TMEM132B: variants seen among roughly 807,000 people sequenced by gnomAD.
TMEM132B encodes the protein transmembrane protein 132B.
TMEM132B carries 18 observed loss-of-function variants against 90.8 expected under a neutral mutation model. The ratio of observed to expected loss-of-function variants is 0.20; its 90% CI spans 0.14 to 0.29. The LOEUF (loss-of-function observed/expected upper bound fraction) is 0.29, where lower values mean the gene tolerates loss of function less well. Among genes scored for constraint, TMEM132B ranks in the 10% least tolerant of loss-of-function variants. The pLI, the probability that TMEM132B is intolerant of heterozygous loss-of-function variation, is 1.00. For missense variants in TMEM132B, 1,096 were observed against 1,326.8 expected, an observed-to-expected ratio of 0.83 and a Z score of 2.70; for synonymous variants, 504 against 523.3, an observed-to-expected ratio of 0.96 and a Z score of 0.50.
chr12:125,473,201 TC>T (rs1418205476), intron 3 of TMEM132B, among the ~76,000 whole-genome samples: 1 of 152,040 alleles, frequency 6.6e-6, no homozygotes, highest in Non-Finnish European at 1.5e-5. Flanking sequence ...CACTTGCTGT[TC>T]CCCCTTCCAA....
At chr12:125,310,366 G>A (rs1876094075) in intron 1 of TMEM132B, among the ~76,000 whole-genome samples, 1 of 152,208 alleles carries the variant, frequency 6.6e-6, no homozygotes, top group South Asian at 2.1e-4. Flanking sequence ...GGGAATTATA[G>A]CAGGATTGTT....
At chr12:125,336,302 A>T (rs1370089813) in intron 1 of TMEM132B, among the ~76,000 whole-genome samples, 1 of 152,224 alleles carries the variant, frequency 6.6e-6, no homozygotes, top group African/African-American at 2.4e-5. Flanking sequence ...GGACTTATCC[A>T]TGATGCTGCC....
At chr12:125,431,529 C>G (rs1880508935) in intron 3 of TMEM132B, among the ~76,000 whole-genome samples, 1 of 151,966 alleles carries the variant, frequency 6.6e-6, no homozygotes, top group South Asian at 2.1e-4. Flanking sequence ...GTGCTTAGGA[C>G]TAGATTGCTT....
intron 1 of TMEM132B, among the ~76,000 whole-genome samples, chr12:125,190,582 ATGATGGTGATGATGGGGAAGGGGTGG>A (rs1957793367): frequency 1.4e-5 from 1 of 70,606 alleles, no homozygotes; most frequent in African/African-American, 5.9e-5. Flanking sequence ...GGAAGGGGTG[ATGATGGTGATGATGGGGAAGGGGTGG>A]TGATGGTGAT....
chr12:125,500,193 A>G (rs1462548772), intron 3 of TMEM132B, among the ~76,000 whole-genome samples: 1 of 152,224 alleles, frequency 6.6e-6, no homozygotes, highest in Non-Finnish European at 1.5e-5. Context: ...AGATCCTGCA[A>G]TAGAGAGCCT....
chr12:125,420,871 A>C (rs997537424), intron 3 of TMEM132B, among the ~76,000 whole-genome samples: 1 of 152,238 alleles, frequency 6.6e-6, no homozygotes, highest in Non-Finnish European at 1.5e-5. Flanking sequence ...TTTGCTGCTT[A>C]GAAATTTCTT....
At chr12:125,542,811 C>T (rs182458625) in intron 4 of TMEM132B, among the ~76,000 whole-genome samples, 4 of 152,222 alleles carry the variant, frequency 2.6e-5, no homozygotes, top group African/African-American at 7.2e-5. Flanking sequence ...GTTCAAATAT[C>T]TCTTCGAAGC....
chr12:125,314,017 C>A (rs1387264452), intron 1 of TMEM132B, among the ~76,000 whole-genome samples: 3 of 152,000 alleles, frequency 2.0e-5, no homozygotes, highest in African/African-American at 7.2e-5. Context: ...GAACTCAAAT[C>A]ATCATCCCCA....
At chr12:125,451,492 A>T (rs570009757) in intron 3 of TMEM132B, among the ~76,000 whole-genome samples, 61 of 152,322 alleles carry the variant, frequency 4.0e-4, no homozygotes, top group African/African-American at 1.4e-3. Context: ...CAATAAATGA[A>T]TCTGGGTATT....
intron 5 of TMEM132B, among the ~76,000 whole-genome samples, chr12:125,612,797 TA>T (rs1885869343): frequency 7.6e-6 from 1 of 131,482 alleles, no homozygotes; most frequent in Non-Finnish European, 1.6e-5. Context: ...TATATTTTTT[TA>T]TTTTTTATTT....
chr12:125,452,990 T>G lies in TMEM132B; in HGVS notation c.1106+37313T>G, dbSNP rs1881194493. The stretch of plus-strand genomic sequence containing the variant: ...AATTATCAATCTTATATTCTGTGGC[T>G]TTGCACTTTATCTCTTACACTAAAA... On this transcript the variant is annotated intron_variant, in intron 3 of 8. Transcript: ENST00000682704. Among the ~76,000 whole-genome samples the G allele has an allele frequency of 1.3e-5, 2 of 152,130 alleles. 1 individual carries two copies. The highest frequency in any genetic ancestry group is 4.1e-4 in the South Asian group (2 of 4,826).
chr12:125,589,724 C>A (rs1037017890), intron 5 of TMEM132B, among the ~76,000 whole-genome samples: 11 of 152,116 alleles, frequency 7.2e-5, no homozygotes, highest in Non-Finnish European at 1.3e-4. Flanking sequence ...TTTTAAATGA[C>A]CAGATCTCAT....
At chr12:125,358,691 A>G (rs532134307) in intron 2 of TMEM132B, among the ~76,000 whole-genome samples, 1 of 152,308 alleles carries the variant, frequency 6.6e-6, no homozygotes, top group South Asian at 2.1e-4. Flanking sequence ...AGTGCACCAT[A>G]TCAGGAGGTA....
At chr12:125,242,439 A>G (rs1874093427) in intron 1 of TMEM132B, among the ~76,000 whole-genome samples, 1 of 152,226 alleles carries the variant, frequency 6.6e-6, no homozygotes, top group South Asian at 2.1e-4. Flanking sequence ...TCCTCGAGGA[A>G]ACTGAGGCCC....
At chr12:125,531,955 C>T (rs556349704) in intron 4 of TMEM132B, among the ~76,000 whole-genome samples, 1 of 152,236 alleles carries the variant, frequency 6.6e-6, no homozygotes, top group Non-Finnish European at 1.5e-5. Context: ...TATTCCAGCA[C>T]ATAGTGCCAG....
intron 5 of TMEM132B, among the ~76,000 whole-genome samples, chr12:125,599,691 A>G (rs1885526774): frequency 6.6e-6 from 1 of 152,190 alleles, no homozygotes; most frequent in African/African-American, 2.4e-5. Context: ...TTTGTTTTAG[A>G]TGTTAAAGGT....
Position 125,415,106 on chromosome 12 carries a change from C to G in TMEM132B, c.960-425C>G, listed in dbSNP as rs935919902. Among the ~76,000 whole-genome samples the G allele has an allele frequency of 2.2e-4, 34 of 152,294 alleles. No homozygotes were observed. The highest frequency in any genetic ancestry group is 7.2e-4 in the African/African-American group (30 of 41,558). ...CCAGTGCAATGGCCTCCTCTTCCAT[C>G]CCCTGGGCTGTGTGATCTTCTGGCC... On this transcript the variant is annotated intron_variant, in intron 2 of 8. Coordinates refer to ENST00000682704, the MANE Select transcript of TMEM132B (RefSeq NM_001366854.1). This position sits in a 1 kb window ranked among gnomAD's most constrained non-coding sequence, Gnocchi z 5.3.
intron 1 of TMEM132B, among the ~76,000 whole-genome samples, chr12:125,294,370 ACCTGGTAATT>A (rs1875616365): frequency 1.3e-5 from 2 of 152,224 alleles, no homozygotes; most frequent in Admixed American, 6.5e-5. Flanking sequence ...GCACTGTTGG[ACCTGGTAATT>A]CCACTGCTGG....
At chr12:125,234,335 A>G (rs1873885298) in intron 1 of TMEM132B, among the ~76,000 whole-genome samples, 1 of 151,930 alleles carries the variant, frequency 6.6e-6, no homozygotes, top group Non-Finnish European at 1.5e-5. Context: ...CCAACCCCCT[A>G]TTTTCCATGG....
Sources: allele counts gnomAD v4.1 joint callset (sites outside exome capture counted in the v4.1 genomes callset), GRCh38; gene constraint gnomAD v4.1.1; non-coding constraint Gnocchi (gnomAD v3.1); transcripts MANE v1.5; gene names NCBI Gene and HGNC (gene_info 2026-07-23, HGNC 2026-07-21).